NEURL1B: variants seen among roughly 807,000 people sequenced by gnomAD.
NEURL1B encodes E3 ubiquitin-protein ligase NEURL1B.
Under a neutral mutation model 37.4 loss-of-function variants are expected in NEURL1B, and 13 were observed. The observed-to-expected ratio is 0.35, with a 90% confidence interval of 0.23 to 0.55. The LOEUF (loss-of-function observed/expected upper bound fraction) is 0.55, where lower values mean the gene tolerates loss of function less well. Ranked by LOEUF, NEURL1B falls within the 20% of genes least tolerant of loss-of-function variation. The pLI is 0.89. For missense variants in NEURL1B, 790 were observed against 879.2 expected (o/e 0.90, Z 1.28); for synonymous variants, 432 against 426.6 (o/e 1.01, Z -0.16).
rs1282722237 is a variant in NEURL1B at position 172,665,795 on chromosome 5, CCTAA to C, written c.32-3987_32-3984del. 1.3e-5 allele frequency among the ~76,000 whole-genome samples: 2 copies of C among 152,058 alleles called. No individual in the cohort carries two copies. The highest frequency in any genetic ancestry group is 2.9e-5 in the Non-Finnish European group (2 of 68,008). ...AGTGGGCATCCCACTATTCCCAGCCCCTAACTGAGTCCAGGGCCTCCTCCAGGCC... is the reference window on the plus strand; with the variant it reads ...AGTGGGCATCCCACTATTCCCAGCCCCTGAGTCCAGGGCCTCCTCCAGGCC... On this transcript the variant is annotated intron_variant, in intron 1 of 4. Transcript: ENST00000369800. The surrounding 1 kb of genome is among the most constrained non-coding windows in gnomAD (Gnocchi z 4.1).
chr5:172,658,079 C>G lies in NEURL1B; in HGVS notation c.32-11706C>G, dbSNP rs1757827547. On this transcript the variant is annotated intron_variant, in intron 1 of 4. Transcript: ENST00000369800. ...TCAATCACTTAGAAGATTCACCCTC[C>G]TTACCCTGCCCCCTTGTCTTGTATG... is the stretch of plus-strand genomic sequence containing the variant. 1.3e-5 allele frequency among the ~76,000 whole-genome samples: 2 copies of G among 152,156 alleles called. 1 individual carries two copies. Among genetic ancestry groups the G allele is most frequent in the African/African-American group, 4.8e-5 (2 of 41,424 alleles).
At chr5:172,674,929 GC>G (rs1758202985) in intron 2 of NEURL1B, among the ~76,000 whole-genome samples, 1 of 152,150 alleles carries the variant, frequency 6.6e-6, no homozygotes. Flanking sequence ...GAGAGCTGTG[GC>G]GCAATCTTGG....
At chr5:172,663,143 G>C (rs932408466) in intron 1 of NEURL1B, among the ~76,000 whole-genome samples, 1 of 151,574 alleles carries the variant, frequency 6.6e-6, no homozygotes, top group Non-Finnish European at 1.5e-5. Flanking sequence ...GAGCCCGGGA[G>C]TTTGAGGCTG....
rs1420794615 is a variant in NEURL1B at position 172,683,389 on chromosome 5, C to T, written c.578-30C>T. Reference sequence around the variant, plus strand: ...GACCAGCCTGACGCGCGGCCTCTCCCCCTCCATGTCCCTCCCTTTGTCCGC... The same window carrying T: ...GACCAGCCTGACGCGCGGCCTCTCCTCCTCCATGTCCCTCCCTTTGTCCGC... On this transcript the variant is annotated intron_variant, in intron 2 of 4. Coordinates refer to ENST00000369800, the MANE Select transcript of NEURL1B (RefSeq NM_001142651.3). This position sits in a 1 kb window ranked among gnomAD's most constrained non-coding sequence, Gnocchi z 5.6. 3 of 1,291,182 alleles carry T rather than the reference C, an allele frequency of 2.3e-6. No homozygotes were observed. Among genetic ancestry groups the T allele is most frequent in the East Asian group, 3.1e-5 (1 of 31,804 alleles). The allele number at this position is 1,291,182 out of a possible 1,614,324, so 80.0% of individuals were successfully genotyped here. A position where few individuals can be genotyped will look rare whatever the true frequency, so the allele number is the denominator to read the frequency against.
At chr5:172,680,889 C>T (rs752591556) in intron 2 of NEURL1B, among the ~76,000 whole-genome samples, 3 of 152,144 alleles carry the variant, frequency 2.0e-5, no homozygotes, top group Non-Finnish European at 2.9e-5. Context: ...CTGTATTAGT[C>T]TGTTCTTGAA....
intron 1 of NEURL1B, among the ~76,000 whole-genome samples, chr5:172,658,139 A>G (rs1308576108): frequency 1.3e-5 from 2 of 151,296 alleles, no homozygotes. Flanking sequence ...TTTCGGGGCC[A>G]CTTACCGGTC....
intron 1 of NEURL1B, among the ~76,000 whole-genome samples, chr5:172,662,500 C>T (rs1055707058): frequency 6.6e-6 from 1 of 152,192 alleles, no homozygotes; most frequent in African/African-American, 2.4e-5. Flanking sequence ...TTAACATCTA[C>T]TATGTGCCAG....
At chr5:172,682,222 C>T (rs1193276489) in intron 2 of NEURL1B, among the ~76,000 whole-genome samples, 1 of 152,194 alleles carries the variant, frequency 6.6e-6, no homozygotes, top group Non-Finnish European at 1.5e-5. Flanking sequence ...ATATGAAGAA[C>T]ATTTTTTCAA....
rs77331944 is a variant in NEURL1B at position 172,664,327 on chromosome 5, G to A, written c.32-5458G>A. Among the ~76,000 whole-genome samples the A allele has an allele frequency of 6.6e-3, 1,012 of 152,200 alleles. 4 individuals carry two copies. The highest frequency in any genetic ancestry group is 0.011 in the Non-Finnish European group (719 of 68,014). On this transcript the variant is annotated intron_variant, in intron 1 of 4. Transcript: ENST00000369800. ...AAAAATGGAGACACCAATCCTGTAG[G>A]TGAAGCTTTGTTTTAAGAATTAGCT...
At chr5:172,650,782 A>T (rs888326408) in intron 1 of NEURL1B, among the ~76,000 whole-genome samples, 12 of 152,182 alleles carry the variant, frequency 7.9e-5, no homozygotes, top group African/African-American at 2.9e-4. Context: ...GACGCACGTG[A>T]CCCCTGCTGC....
rs1300629152 is a variant in NEURL1B, at chr5:172,684,154, C to A, written c.1297+16C>A. The A allele has an allele frequency of 1.6e-6, 2 of 1,227,098 alleles. No individual in the cohort carries two copies. The highest frequency in any genetic ancestry group is 1.6e-5 in the African/African-American group (1 of 63,430). The allele number at this position is 1,227,098 out of a possible 1,614,324, so 76.0% of individuals were successfully genotyped here. ...CGTCTCCTCGGTGAGTCCCCGGCCC[C>A]GCGTGCGCGAGGCCCCGCCCCTCCC... On this transcript the variant is annotated intron_variant, in intron 3 of 4. Transcript: ENST00000369800.
intron 1 of NEURL1B, among the ~76,000 whole-genome samples, chr5:172,652,284 A>G (rs574547756): frequency 1.0e-3 from 159 of 152,368 alleles, no homozygotes; most frequent in African/African-American, 3.5e-3. Flanking sequence ...GCTACCATGC[A>G]GGCCACACCT....
chr5:172,684,150 GC>G lies in NEURL1B; in HGVS notation c.1297+16del. 1.6e-6 allele frequency: 2 copies of G among 1,228,370 alleles called. No homozygotes were observed. Among genetic ancestry groups the G allele is most frequent in the Non-Finnish European group, 2.0e-6 (2 of 984,824 alleles). The allele number at this position is 1,228,370 out of a possible 1,614,324, so 76.1% of individuals were successfully genotyped here. On this transcript the variant is annotated intron_variant, in intron 3 of 4. Transcript: ENST00000369800. ...GCTGCGTCTCCTCGGTGAGTCCCCGGCCCCGCGTGCGCGAGGCCCCGCCCCT... is the reference window on the plus strand; with the variant it reads ...GCTGCGTCTCCTCGGTGAGTCCCCGGCCCGCGTGCGCGAGGCCCCGCCCCT...
intron 1 of NEURL1B, among the ~76,000 whole-genome samples, chr5:172,655,475 C>T (rs752142722): frequency 2.6e-5 from 4 of 152,138 alleles, no homozygotes; most frequent in Non-Finnish European, 4.4e-5. Flanking sequence ...GCAGGATCCA[C>T]CCTAAACCAT....
chr5:172,684,622 G>A (rs1341379227), intron 3 of NEURL1B, among the ~76,000 whole-genome samples: 4 of 151,514 alleles, frequency 2.6e-5, no homozygotes, highest in Admixed American at 6.6e-5. Flanking sequence ...GAATAGTATC[G>A]TCCACAGAAA....
chr5:172,662,138 T>C (rs904408338), intron 1 of NEURL1B: 4 of 153,186 alleles, frequency 2.6e-5, no homozygotes, highest in East Asian at 3.9e-4. Context: ...AATGAGCACC[T>C]ACTACATGCC....
At chr5:172,644,532 T>G (rs989604847) in intron 1 of NEURL1B, among the ~76,000 whole-genome samples, 1 of 152,156 alleles carries the variant, frequency 6.6e-6, no homozygotes, top group Non-Finnish European at 1.5e-5. Context: ...TCTTGGCAGC[T>G]CTTGCAAAGT....
intron 1 of NEURL1B, among the ~76,000 whole-genome samples, chr5:172,664,608 T>G (rs534100584): frequency 1.3e-5 from 2 of 152,354 alleles, no homozygotes; most frequent in Admixed American, 1.3e-4. Context: ...CAAACTAGGA[T>G]GATCCGCAGG....
intron 2 of NEURL1B, among the ~76,000 whole-genome samples, chr5:172,670,894 C>CCT (rs1758119098): frequency 6.6e-6 from 1 of 152,024 alleles, no homozygotes; most frequent in Non-Finnish European, 1.5e-5. Context: ...TGGCGAACCC[C>CCT]GGCCCACATT....
Sources: gnomAD v4.1 joint callset for allele counts (sites outside exome capture counted in the v4.1 genomes callset) on GRCh38, gnomAD v4.1.1 for gene constraint, Gnocchi (gnomAD v3.1) non-coding constraint, MANE v1.5 for transcripts, NCBI Gene and HGNC (gene_info 2026-07-23, HGNC 2026-07-21) for gene names.